CPLANE1: variants seen among roughly 807,000 people sequenced by gnomAD.
CPLANE1 encodes ciliogenesis and planar polarity effector 1.
In CPLANE1, 263 loss-of-function variants were observed where a neutral mutation model predicts 362.5. The observed-to-expected ratio is 0.73, with a 90% CI of 0.66 to 0.80. CPLANE1 has a LOEUF of 0.80. Among genes scored for constraint, CPLANE1 ranks in the 30% least tolerant of loss-of-function variants. The pLI, the probability that CPLANE1 is intolerant of heterozygous loss-of-function variation, is 0.00. For synonymous variants in CPLANE1, 1,212 were observed against 1,302.6 expected, an observed-to-expected ratio of 0.93 and a Z score of 1.50; for missense variants, 3,461 against 3,793.4, an observed-to-expected ratio of 0.91 and a Z score of 2.30.
chr5:37,148,825 C>T (rs922063797), intron 42 of CPLANE1, among the ~76,000 whole-genome samples: 2 of 152,024 alleles, frequency 1.3e-5, no homozygotes, highest in African/African-American at 2.4e-5. Context: ...GTGAAGCAAG[C>T]AGATCACTTG....
At chr5:37,176,769 T>TTG (rs34949577) in intron 30 of CPLANE1, among the ~76,000 whole-genome samples, 1 of 110,580 alleles carries the variant, frequency 9.0e-6, no homozygotes, top group Non-Finnish European at 1.8e-5. Flanking sequence ...TGCCTTTTTT[T>TTG]TTTTTTTGAG....
chr5:37,194,979 C>G lies in CPLANE1; in HGVS notation c.3811+879G>C, dbSNP rs543985800. Among the ~76,000 whole-genome samples the G allele has an allele frequency of 2.6e-5, 4 of 151,544 alleles. No individual in the cohort carries two copies. In the South Asian group the frequency reaches 8.3e-4, roughly 32 times the overall value. ...CATCCTGGCTAACACGGTGAAACCC[C>G]GTCTCTACTAAAAAATACAAAAAAA... On this transcript the variant is annotated intron_variant, in intron 21 of 52. Coordinates refer to ENST00000651892, the MANE Select transcript of CPLANE1 (RefSeq NM_001384732.1).
chr5:37,209,925 C>A lies in CPLANE1; in HGVS notation c.2921-3500G>T. 3 of 1,382,948 alleles carry A rather than the reference C, an allele frequency of 2.2e-6. No homozygotes were observed. Among genetic ancestry groups the A allele is most frequent in the Non-Finnish European group, 3.1e-6 (3 of 971,396 alleles). The allele number at this position is 1,382,948 out of a possible 1,614,324, so 85.7% of individuals were successfully genotyped here. ...TGATGATCAGTTTGCAGATGCTTAC[C>A]CTCAGCGTATCAAGTTTGAGTCTTT... On this transcript the variant is annotated intron_variant, in intron 16 of 52. Coordinates refer to ENST00000651892, the MANE Select transcript of CPLANE1 (RefSeq NM_001384732.1). The surrounding 1 kb of genome is among the most constrained non-coding windows in gnomAD (Gnocchi z 4.6).
intron 44 of CPLANE1, chr5:37,141,760 T>G (rs1769795200): frequency 2.0e-6 from 2 of 981,956 alleles, no homozygotes; most frequent in Admixed American, 6.2e-5. Flanking sequence ...AGTATATTCA[T>G]TAGGACTAAA....
chr5:37,215,739 CTTTTTTT>C lies in CPLANE1; in HGVS notation c.2747-2014_2747-2008del, dbSNP rs567527656. Reference sequence around the variant, plus strand: ...TATTTCCCGTTTTTCCTTCTCTTTCCTTTTTTTTTTTTTTTTTTTTTTTTGAAGATAA... The same window carrying C: ...TATTTCCCGTTTTTCCTTCTCTTTCCTTTTTTTTTTTTTTTTTGAAGATAA... On this transcript the variant is annotated intron_variant, in intron 15 of 52. Transcript: ENST00000651892. 2.4e-3 allele frequency among the ~76,000 whole-genome samples: 225 copies of C among 95,202 alleles called. 1 individual carries two copies. In the Middle Eastern group the frequency reaches 0.042, roughly 18 times the overall value. The allele number at this position is 95,202 out of a possible 152,430, so 62.5% of individuals were successfully genotyped here.
At position 37,184,927 on chromosome 5, in the gene CPLANE1, C is replaced by T; in HGVS notation, c.4342G>A (p.Val1448Ile). The change falls in exon 25 of 53, where the codon GTT becomes ATT. Residue 1448 changes from valine to isoleucine, a missense_variant. Coordinates refer to ENST00000651892, the MANE Select transcript of CPLANE1 (RefSeq NM_001384732.1). ...CTAGTCCCCAGGGAATATCTGTCAA[C>T]ACCTGGAGCCTCATCTGGTTTCTCT... ...EEEKPDEAPG[V>I]DRYSLGTSLS... The T allele has an allele frequency of 1.2e-6, 2 of 1,614,104 alleles. No individual in the cohort carries two copies. Among genetic ancestry groups the T allele is most frequent in the Non-Finnish European group, 1.7e-6 (2 of 1,179,972 alleles).
rs1790715195 is a variant in CPLANE1 at position 37,206,282 on chromosome 5, C to A, written c.3064G>T (p.Ala1022Ser). 6.4e-7 allele frequency: 1 copy of A among 1,551,566 alleles called. No homozygotes were observed. The highest frequency in any genetic ancestry group is 1.4e-5 in the African/African-American group (1 of 73,040). The change falls in exon 17 of 53, where the codon GCA becomes TCA. Residue 1022 changes from alanine (A) to serine (S), a missense_variant. By Grantham distance (99) the Ala-to-Ser change is moderately conservative. Around this residue, in one of 2 missense-constraint regions of CPLANE1, gnomAD observed 3,380 missense variants for 3,666.1 expected, o/e 0.92. Coordinates refer to ENST00000651892, the MANE Select transcript of CPLANE1 (RefSeq NM_001384732.1). ...GTCTTCCAGTCTCCAAGTTTATATG[C>A]CAACCACACAGCCTCTGGAACCAGG... ...GGLVPEAVWL[A>S]YKLGDWKTSV...
intron 46 of CPLANE1, among the ~76,000 whole-genome samples, chr5:37,137,494 T>C (rs114819276): frequency 1.3e-5 from 2 of 152,168 alleles, no homozygotes; most frequent in African/African-American, 4.8e-5. Flanking sequence ...ATTTTTACAG[T>C]AGCACCCCAC....
chr5:37,246,921 A>C lies in CPLANE1; in HGVS notation c.81+697T>G, dbSNP rs530201671. Among the ~76,000 whole-genome samples, 252 of 152,308 alleles carry C rather than the reference A, an allele frequency of 1.7e-3. 1 individual carries two copies. The highest frequency in any genetic ancestry group is 5.6e-3 in the African/African-American group (232 of 41,562). The stretch of plus-strand genomic sequence containing the variant: ...GACTCCATCTCAAAAAATAAAAATA[A>C]AAAAATACAAAATATCCAACCCTAC... On this transcript the variant is annotated intron_variant, in intron 2 of 52. Transcript: ENST00000651892.
At chr5:37,135,453 C>T (rs1003011714) in intron 46 of CPLANE1, among the ~76,000 whole-genome samples, 8 of 152,076 alleles carry the variant, frequency 5.3e-5, no homozygotes, top group Non-Finnish European at 1.0e-4. Flanking sequence ...TTATAATCAT[C>T]GCGGAAGGGG....
At chr5:37,245,350 T>TATATAC (rs1554117324) in intron 4 of CPLANE1, 129 bp downstream of exon 4, 4 of 108,834 alleles carry the variant, frequency 3.7e-5, no homozygotes, top group Non-Finnish European at 7.5e-5. Context: ...TATATATATA[T>TATATAC]ACACACACTC....
At chr5:37,138,060 A>G (rs1027954465) in intron 46 of CPLANE1, among the ~76,000 whole-genome samples, 18 of 152,130 alleles carry the variant, frequency 1.2e-4, no homozygotes, top group South Asian at 4.1e-4. Flanking sequence ...ATTAGGTTCA[A>G]TTGCTCAAGT....
At chr5:37,139,643 C>T (rs1053653520) in intron 44 of CPLANE1, 25 of 474,384 alleles carry the variant, frequency 5.3e-5, no homozygotes, top group South Asian at 1.6e-4. Context: ...CCTCTGCCTC[C>T]GGGCTCAAGC....
intron 28 of CPLANE1, 92 bp from the exon 29 acceptor site, chr5:37,179,535 T>C: frequency 1.3e-6 from 1 of 772,958 alleles, no homozygotes; most frequent in Non-Finnish European, 2.2e-6. Context: ...CCAGAAACAA[T>C]ATAATGACAG....
intron 19 of CPLANE1, among the ~76,000 whole-genome samples, chr5:37,200,562 A>G (rs1561580534): frequency 2.0e-5 from 3 of 152,206 alleles, no homozygotes; most frequent in Non-Finnish European, 4.4e-5. Flanking sequence ...TAGAGGTAGA[A>G]GTCGCCAATA....
At chr5:37,098,844 A>G in the CPLANE1 span, among the ~76,000 whole-genome samples, 1 of 151,782 alleles carries the variant, frequency 6.6e-6, no homozygotes. Flanking sequence ...CACAGAAATG[A>G]AAACACAATG....
intron 43 of CPLANE1, among the ~76,000 whole-genome samples, chr5:37,144,050 G>A (rs1770646628): frequency 6.6e-6 from 1 of 151,670 alleles, no homozygotes; most frequent in African/African-American, 2.4e-5. Context: ...AAAATATTAT[G>A]GGTGAAAAGT....
intron 7 of CPLANE1, 27 bp downstream of exon 7, chr5:37,239,683 GATT>G: frequency 7.5e-7 from 1 of 1,326,850 alleles, no homozygotes; most frequent in Non-Finnish European, 9.8e-7. Context: ...TTCTTTTATA[GATT>G]ACTTTCTAAG....
At chr5:37,210,367 T>C (rs1489454065) in intron 16 of CPLANE1, 93 of 1,116,422 alleles carry the variant, frequency 8.3e-5, no homozygotes, top group Non-Finnish European at 1.2e-4. Flanking sequence ...GAGCAGAATA[T>C]AAAGAGTTTT....
Sources: allele counts gnomAD v4.1 joint callset (sites outside exome capture counted in the v4.1 genomes callset), GRCh38; gene constraint gnomAD v4.1.1; regional missense constraint gnomAD v4.1.1; non-coding constraint Gnocchi (gnomAD v3.1); transcripts MANE v1.5; gene names NCBI Gene and HGNC (gene_info 2026-07-23, HGNC 2026-07-21).